SPAG16: variants seen among roughly 807,000 people sequenced by gnomAD.
SPAG16 encodes the protein sperm associated antigen 16.
A neutral mutation model predicts 80.4 loss-of-function variants in SPAG16; 86 were observed. The observed-to-expected ratio is 1.07, with a 90% CI of 0.90 to 1.28. The LOEUF (loss-of-function observed/expected upper bound fraction) is 1.28, where lower values mean the gene tolerates loss of function less well. Among genes scored for constraint, SPAG16 ranks in the 50% most tolerant of loss-of-function variants. The pLI is 0.00. For synonymous variants in SPAG16, 294 were observed against 265.9 expected (o/e 1.11, Z -1.03); for missense variants, 870 against 765.3 (o/e 1.14, Z -1.61).
intron 15 of SPAG16, among the ~76,000 whole-genome samples, chr2:214,363,371 T>A (rs1237955805): frequency 6.6e-6 from 1 of 152,018 alleles, no homozygotes; most frequent in Admixed American, 6.6e-5. Flanking sequence ...GCTCCTTATT[T>A]CTTTAAGCAA....
intron 14 of SPAG16, among the ~76,000 whole-genome samples, chr2:214,130,354 T>A (rs2054704479): frequency 6.6e-6 from 1 of 152,188 alleles, no homozygotes; most frequent in Non-Finnish European, 1.5e-5. Flanking sequence ...CACAGCTCCC[T>A]CACTTGGCTG....
intron 1 of SPAG16, among the ~76,000 whole-genome samples, chr2:213,291,321 G>T (rs559780802): frequency 6.6e-6 from 1 of 152,276 alleles, no homozygotes; most frequent in Admixed American, 6.5e-5. Context: ...AGCTAGCCAG[G>T]TAAACAGATG....
chr2:214,203,437 A>G (rs531950877), intron 15 of SPAG16, among the ~76,000 whole-genome samples: 1 of 152,174 alleles, frequency 6.6e-6, no homozygotes, highest in Middle Eastern at 3.4e-3. Flanking sequence ...GAATCCACAG[A>G]CCCTTTGAAG....
chr2:213,993,862 C>T (rs1187303734), intron 12 of SPAG16, among the ~76,000 whole-genome samples: 2 of 152,180 alleles, frequency 1.3e-5, no homozygotes, highest in African/African-American at 2.4e-5. Context: ...TTTATCACCC[C>T]ATAAAACAAA....
At chr2:213,557,446 T>C (rs1376684988) in intron 10 of SPAG16, among the ~76,000 whole-genome samples, 4 of 152,014 alleles carry the variant, frequency 2.6e-5, no homozygotes, top group African/African-American at 9.7e-5. Context: ...ATTATAATTA[T>C]ATGTGTATAT....
intron 14 of SPAG16, among the ~76,000 whole-genome samples, chr2:214,116,501 C>A (rs1190057376): frequency 6.6e-6 from 1 of 152,086 alleles, no homozygotes; most frequent in Non-Finnish European, 1.5e-5. Context: ...CTCACGTGGG[C>A]CAGTGAGACA....
At chr2:213,625,616 G>T (rs1455726710) in intron 10 of SPAG16, among the ~76,000 whole-genome samples, 3 of 151,888 alleles carry the variant, frequency 2.0e-5, no homozygotes. Context: ...CCTTTCCCAA[G>T]ACTTTCACCT....
intron 12 of SPAG16, among the ~76,000 whole-genome samples, chr2:213,974,006 GA>G (rs2045225789): frequency 2.0e-5 from 3 of 152,088 alleles, no homozygotes; most frequent in Middle Eastern, 3.2e-3. Flanking sequence ...GGGGAGTCAG[GA>G]AAAGATTAAT....
intron 10 of SPAG16, among the ~76,000 whole-genome samples, chr2:213,693,255 G>A (rs1053474853): frequency 6.6e-6 from 1 of 152,188 alleles, no homozygotes; most frequent in Non-Finnish European, 1.5e-5. Flanking sequence ...AAAGCAATGA[G>A]GCCTAACTGC....
At chr2:214,181,514 A>G (rs1378869942) in intron 15 of SPAG16, among the ~76,000 whole-genome samples, 3 of 151,752 alleles carry the variant, frequency 2.0e-5, no homozygotes, top group Non-Finnish European at 4.4e-5. Context: ...ATATATGAAC[A>G]CCATGAAGAA....
At chr2:214,187,841 A>C (rs1222147186) in intron 15 of SPAG16, among the ~76,000 whole-genome samples, 1 of 152,154 alleles carries the variant, frequency 6.6e-6, no homozygotes, top group Non-Finnish European at 1.5e-5. Flanking sequence ...AATGTAAACA[A>C]AATGAAATAG....
chr2:213,945,908 C>G (rs549355344), intron 12 of SPAG16, among the ~76,000 whole-genome samples: 2 of 152,288 alleles, frequency 1.3e-5, no homozygotes, highest in Non-Finnish European at 2.9e-5. Context: ...AACCGTTTTG[C>G]GAACAATACA....
At chr2:214,056,120 A>G (rs959372211) in intron 13 of SPAG16, among the ~76,000 whole-genome samples, 3 of 152,116 alleles carry the variant, frequency 2.0e-5, no homozygotes, top group Admixed American at 1.3e-4. Flanking sequence ...TTTGACCCTT[A>G]ATACCCCCTT....
intron 10 of SPAG16, among the ~76,000 whole-genome samples, chr2:213,500,577 A>T (rs1481460693): frequency 6.6e-6 from 1 of 152,210 alleles, no homozygotes; most frequent in African/African-American, 2.4e-5. Flanking sequence ...GGTAAGTGAG[A>T]GAGAGAGACA....
intron 9 of SPAG16, among the ~76,000 whole-genome samples, chr2:213,453,896 A>T (rs1194453672): frequency 6.6e-6 from 1 of 152,198 alleles, no homozygotes; most frequent in African/African-American, 2.4e-5. Flanking sequence ...CAGAGGAAAG[A>T]TTCAATATTA....
chr2:214,115,605 A>C (rs1172103179), intron 14 of SPAG16, among the ~76,000 whole-genome samples: 4 of 152,182 alleles, frequency 2.6e-5, no homozygotes, highest in Non-Finnish European at 5.9e-5. Flanking sequence ...TCAACTGGGC[A>C]CAGTGGCTCA....
chr2:214,163,398 A>G (rs1041234646), intron 15 of SPAG16, among the ~76,000 whole-genome samples: 1 of 150,980 alleles, frequency 6.6e-6, no homozygotes, highest in African/African-American at 2.4e-5. Context: ...TATTTTTGAG[A>G]TGGTTAATTT....
At chr2:214,131,730 C>A (rs1231854183) in intron 14 of SPAG16, among the ~76,000 whole-genome samples, 2 of 152,092 alleles carry the variant, frequency 1.3e-5, no homozygotes, top group Admixed American at 6.6e-5. Context: ...CTGTATGACT[C>A]CAACTATGTG....
At chr2:214,382,145 A>G (rs1179572477) in intron 15 of SPAG16, among the ~76,000 whole-genome samples, 1 of 152,246 alleles carries the variant, frequency 6.6e-6, no homozygotes, top group Admixed American at 6.5e-5. Flanking sequence ...GAAAATAATT[A>G]AAATATTTAT....
Sources: gnomAD v4.1 joint callset for allele counts (sites outside exome capture counted in the v4.1 genomes callset) on GRCh38, gnomAD v4.1.1 for gene constraint, MANE v1.5 for transcripts, NCBI Gene and HGNC (gene_info 2026-07-23, HGNC 2026-07-21) for gene names.